NSG2: variants seen among roughly 807,000 people sequenced by gnomAD.
NSG2 encodes the protein neuronal vesicle trafficking-associated protein 2.
A neutral mutation model predicts 16.9 loss-of-function variants in NSG2; 4 were observed. The ratio of observed to expected loss-of-function variants is 0.24; its 90% CI spans 0.12 to 0.54. The LOEUF (loss-of-function observed/expected upper bound fraction) is 0.54, where lower values mean the gene tolerates loss of function less well. NSG2 is among the 20% of genes least tolerant of loss of function. The pLI, the probability that NSG2 is intolerant of heterozygous loss-of-function variation, is 0.95. For synonymous variants in NSG2, 98 were observed against 88.7 expected, an observed-to-expected ratio of 1.11 and a Z score of -0.59; for missense variants, 179 against 221.1, an observed-to-expected ratio of 0.81 and a Z score of 1.21.
At chr5:174,065,469 A>G (rs1250439138) in intron 3 of NSG2, among the ~76,000 whole-genome samples, 1 of 152,230 alleles carries the variant, frequency 6.6e-6, no homozygotes, top group Non-Finnish European at 1.5e-5. Context: ...TTTAATACTA[A>G]AAGCAACAGG....
At position 174,109,100 on chromosome 5, in the gene NSG2, G is replaced by A. The variant is rs1761029051; in HGVS notation, c.*1595G>A. 1 of 152,766 alleles carries A rather than the reference G, an allele frequency of 6.5e-6. No individual in the cohort carries two copies. The highest frequency in any genetic ancestry group is 2.4e-5 in the African/African-American group (1 of 41,444). 9.5% of individuals were successfully genotyped at this position (152,766 alleles called of 1,614,324 possible). The stretch of plus-strand genomic sequence containing the variant: ...TTTTGTGGTGTATTTTTGTCAGTAG[G>A]TAGCAGAGGCGGAAGTATTTTTTGG... On this transcript the variant is annotated 3_prime_UTR_variant, in exon 5 of 5. Coordinates refer to ENST00000303177, the MANE Select transcript of NSG2 (RefSeq NM_015980.5).
At chr5:174,075,487 C>T (rs916256030) in intron 3 of NSG2, among the ~76,000 whole-genome samples, 5 of 152,122 alleles carry the variant, frequency 3.3e-5, no homozygotes, top group East Asian at 1.9e-4. Context: ...TGTTATTTGC[C>T]GAGTGTTAGG....
intron 3 of NSG2, among the ~76,000 whole-genome samples, chr5:174,076,758 GT>G (rs1178650310): frequency 6.6e-6 from 1 of 152,152 alleles, no homozygotes; most frequent in African/African-American, 2.4e-5. Context: ...GACAGTTTTG[GT>G]TGTCACAGCT....
intron 3 of NSG2, among the ~76,000 whole-genome samples, chr5:174,070,619 G>A (rs1760222495): frequency 6.6e-6 from 1 of 152,198 alleles, no homozygotes; most frequent in Non-Finnish European, 1.5e-5. Context: ...CCTCTGCCCT[G>A]AAGGAGCTAA....
intron 3 of NSG2, among the ~76,000 whole-genome samples, chr5:174,083,104 A>G (rs568624969): frequency 6.6e-5 from 10 of 150,786 alleles, no homozygotes; most frequent in Admixed American, 5.3e-4. Context: ...TCCCCCTTTT[A>G]CTCTCTCCTT....
chr5:174,075,449 A>G (rs1760322207), intron 3 of NSG2, among the ~76,000 whole-genome samples: 1 of 152,246 alleles, frequency 6.6e-6, no homozygotes, highest in South Asian at 2.1e-4. Flanking sequence ...TGTGGTTGCA[A>G]GAATACTAAA....
chr5:174,046,984 A>C, intron 2 of NSG2, 100 bp downstream of exon 2: 2 of 1,183,022 alleles, frequency 1.7e-6, no homozygotes, highest in Non-Finnish European at 2.4e-6. Flanking sequence ...TCATTCTCTT[A>C]TCTGCCAAAT....
At chr5:174,094,871 T>A (rs1345538247) in intron 3 of NSG2, among the ~76,000 whole-genome samples, 4 of 152,200 alleles carry the variant, frequency 2.6e-5, no homozygotes, top group Non-Finnish European at 4.4e-5. Flanking sequence ...GGGAATGAAT[T>A]AGCCTCTCCC....
At chr5:174,071,532 A>G (rs1345569134) in intron 3 of NSG2, among the ~76,000 whole-genome samples, 1 of 152,208 alleles carries the variant, frequency 6.6e-6, no homozygotes, top group Non-Finnish European at 1.5e-5. Context: ...CTATTATTAA[A>G]CAAACAGCAA....
chr5:174,069,370 G>A (rs1760197897), intron 3 of NSG2, among the ~76,000 whole-genome samples: 1 of 152,182 alleles, frequency 6.6e-6, no homozygotes, highest in Non-Finnish European at 1.5e-5. Flanking sequence ...TCGTCTGTGA[G>A]TTGGAGCTGA....
At chr5:174,052,658 G>A (rs1036717816) in intron 2 of NSG2, among the ~76,000 whole-genome samples, 9 of 152,210 alleles carry the variant, frequency 5.9e-5, no homozygotes, top group African/African-American at 2.2e-4. Flanking sequence ...GTTCATCTAA[G>A]TAGCCACAAT....
chr5:174,055,762 T>C (rs1311542188), intron 2 of NSG2, among the ~76,000 whole-genome samples: 2 of 151,776 alleles, frequency 1.3e-5, no homozygotes, highest in African/African-American at 2.4e-5. Flanking sequence ...AGACTGAGAG[T>C]TGGCATTCAT....
chr5:174,064,085 T>C, intron 2 of NSG2, 147 bp from the exon 3 acceptor site: 2 of 531,380 alleles, frequency 3.8e-6, no homozygotes, highest in Admixed American at 3.4e-5. Context: ...TATGAGTAAC[T>C]TGAATTTTCT....
At chr5:174,098,966 G>C (rs1760856395) in intron 3 of NSG2, among the ~76,000 whole-genome samples, 1 of 152,178 alleles carries the variant, frequency 6.6e-6, no homozygotes, top group Non-Finnish European at 1.5e-5. Flanking sequence ...GAGGATGGAG[G>C]TTATATAAAC....
intron 3 of NSG2, among the ~76,000 whole-genome samples, chr5:174,071,255 A>G (rs760038763): frequency 6.6e-6 from 1 of 152,210 alleles, no homozygotes; most frequent in African/African-American, 2.4e-5. Flanking sequence ...TCGGGAAGCC[A>G]AGGTGGGTGG....
At chr5:174,066,591 C>T (rs1760143130) in intron 3 of NSG2, among the ~76,000 whole-genome samples, 1 of 152,090 alleles carries the variant, frequency 6.6e-6, no homozygotes, top group African/African-American at 2.4e-5. Context: ...GAGATACTTT[C>T]ATCTAATTTT....
intron 3 of NSG2, among the ~76,000 whole-genome samples, chr5:174,068,879 C>T (rs535551053): frequency 6.9e-5 from 10 of 145,636 alleles, no homozygotes; most frequent in South Asian, 4.5e-4. Context: ...GTGCTGGTGT[C>T]GTGGGAATCC....
intron 4 of NSG2, among the ~76,000 whole-genome samples, chr5:174,105,036 A>G (rs1760954913): frequency 6.6e-6 from 1 of 152,250 alleles, no homozygotes; most frequent in Admixed American, 6.5e-5. Context: ...GATAATATTT[A>G]TAATTACCAT....
chr5:174,084,736 G>C (rs78903635), intron 3 of NSG2, among the ~76,000 whole-genome samples: 3,810 of 152,282 alleles, frequency 0.025, 148 homozygotes, highest in African/African-American at 0.087. Context: ...ATCCTGCCAG[G>C]GCTACGGGGT....
Sources: gnomAD v4.1 joint callset for allele counts (sites outside exome capture counted in the v4.1 genomes callset) on GRCh38, gnomAD v4.1.1 for gene constraint, MANE v1.5 for transcripts, NCBI Gene and HGNC (gene_info 2026-07-23, HGNC 2026-07-21) for gene names.